Variants in ARHGAP15 observed in about 807,000 individuals in gnomAD.
The protein encoded by ARHGAP15 is rho GTPase-activating protein 15.
Under a neutral mutation model 63.7 loss-of-function variants are expected in ARHGAP15, and 51 were observed. That is an observed-to-expected ratio of 0.80 (90% confidence interval 0.64 to 1.01). The LOEUF (loss-of-function observed/expected upper bound fraction) is 1.01. Among genes scored for constraint, ARHGAP15 ranks in the 50% least tolerant of loss-of-function variants. The pLI is 0.00. For synonymous variants in ARHGAP15, 191 were observed against 193.8 expected (o/e 0.99, Z 0.12); for missense variants, 560 against 564.6 (o/e 0.99, Z 0.08).
intron 12 of ARHGAP15, among the ~76,000 whole-genome samples, chr2:143,676,736 CAGATA>C (rs886515632): frequency 6.6e-6 from 1 of 151,968 alleles, no homozygotes; most frequent in African/African-American, 2.4e-5. Context: ...ATCACTATAA[CAGATA>C]AAATAATAAT....
At chr2:143,732,724 A>G (rs909042217) in intron 13 of ARHGAP15, among the ~76,000 whole-genome samples, 19 of 152,066 alleles carry the variant, frequency 1.2e-4, no homozygotes, top group Admixed American at 3.3e-4. Flanking sequence ...TTAAAAAAAA[A>G]AACTCACTAA....
chr2:143,434,931 TAGC>T (rs760039439), intron 6 of ARHGAP15, among the ~76,000 whole-genome samples: 141 of 152,256 alleles, frequency 9.3e-4, no homozygotes, highest in Non-Finnish European at 1.5e-3. Flanking sequence ...GCCAACTACT[TAGC>T]AGTCTGAGAG....
At chr2:143,468,082 T>C (rs1466107497) in intron 8 of ARHGAP15, among the ~76,000 whole-genome samples, 1 of 152,146 alleles carries the variant, frequency 6.6e-6, no homozygotes, top group African/African-American at 2.4e-5. Flanking sequence ...GGTGCCTTGT[T>C]TGATTGTGTA....
chr2:143,369,826 T>A (rs139248579), intron 6 of ARHGAP15, among the ~76,000 whole-genome samples: 251 of 152,290 alleles, frequency 1.6e-3, no homozygotes, highest in African/African-American at 6.0e-3. Context: ...CTTTTCCTCC[T>A]ACTTTTTCTT....
intron 6 of ARHGAP15, among the ~76,000 whole-genome samples, chr2:143,414,671 C>T (rs1688602541): frequency 1.3e-5 from 2 of 152,220 alleles, no homozygotes; most frequent in African/African-American, 4.8e-5. Context: ...TGGTGGCTCA[C>T]ATCTCTAATC....
chr2:143,347,133 AT>A (rs1685336105), intron 6 of ARHGAP15, among the ~76,000 whole-genome samples: 1 of 152,158 alleles, frequency 6.6e-6, no homozygotes, highest in African/African-American at 2.4e-5. Context: ...CCAGTAATCA[AT>A]TATTATTGAG....
At chr2:143,470,677 G>A (rs1252874783) in intron 8 of ARHGAP15, among the ~76,000 whole-genome samples, 3 of 142,166 alleles carry the variant, frequency 2.1e-5, no homozygotes, top group Non-Finnish European at 3.1e-5. Context: ...ATATGTGTGT[G>A]TATATATATA....
chr2:143,719,605 C>T (rs891660676), intron 13 of ARHGAP15, among the ~76,000 whole-genome samples: 4 of 152,142 alleles, frequency 2.6e-5, no homozygotes, highest in Non-Finnish European at 5.9e-5. Context: ...TCCCCTGGTG[C>T]TAACTTTTAA....
chr2:143,284,304 G>T (rs1681991386), intron 6 of ARHGAP15, among the ~76,000 whole-genome samples: 1 of 152,140 alleles, frequency 6.6e-6, no homozygotes, highest in African/African-American at 2.4e-5. Context: ...ATTTAGAAAG[G>T]CAGGCCTACT....
intron 5 of ARHGAP15, among the ~76,000 whole-genome samples, chr2:143,243,535 A>C (rs1358410777): frequency 6.6e-6 from 1 of 152,134 alleles, no homozygotes; most frequent in Non-Finnish European, 1.5e-5. Context: ...TTTTTTAAAA[A>C]GTGTATTTTT....
In ARHGAP15 at chr2:143,534,101, G is replaced by T. The variant is rs541676825; in HGVS notation, c.925+14737G>T. ...TCTCCATAATCCCCACATGTCAATCGAGAGACGAGGTGGAAGTAATTGAAT... is the reference window on the plus strand; with the variant it reads ...TCTCCATAATCCCCACATGTCAATCTAGAGACGAGGTGGAAGTAATTGAAT... On this transcript the variant is annotated intron_variant, in intron 10 of 13. Transcript: ENST00000295095. Among the ~76,000 whole-genome samples, 6 of 152,212 alleles carry T rather than the reference G, an allele frequency of 3.9e-5. No homozygotes were observed. In the South Asian group the frequency reaches 1.2e-3, roughly 32 times the overall value.
At chr2:143,341,543 C>T (rs1437283679) in intron 6 of ARHGAP15, among the ~76,000 whole-genome samples, 2 of 152,056 alleles carry the variant, frequency 1.3e-5, no homozygotes, top group African/African-American at 2.4e-5. Flanking sequence ...CTCTTCTTTC[C>T]TTTTCGGTTT....
chr2:143,697,694 T>A (rs1489135075), intron 12 of ARHGAP15, among the ~76,000 whole-genome samples: 1 of 152,178 alleles, frequency 6.6e-6, no homozygotes, highest in Non-Finnish European at 1.5e-5. Context: ...TCAAAGATAT[T>A]TATCAAGCAA....
intron 6 of ARHGAP15, among the ~76,000 whole-genome samples, chr2:143,300,914 C>A (rs1682864442): frequency 6.6e-6 from 1 of 152,010 alleles, no homozygotes; most frequent in Non-Finnish European, 1.5e-5. Context: ...TTGGTAGCAA[C>A]TGCACCATTG....
At chr2:143,672,047 A>G (rs1189759572) in intron 12 of ARHGAP15, among the ~76,000 whole-genome samples, 1 of 152,190 alleles carries the variant, frequency 6.6e-6, no homozygotes, top group Non-Finnish European at 1.5e-5. Flanking sequence ...GCCCATTGTT[A>G]ATAAATTTTA....
chr2:143,484,526 A>T (rs575315492), intron 8 of ARHGAP15, among the ~76,000 whole-genome samples: 133 of 152,140 alleles, frequency 8.7e-4, no homozygotes, highest in Non-Finnish European at 1.7e-3. Context: ...GGTAATGATT[A>T]TCTCAAAAAT....
rs1399755289 is a variant in ARHGAP15, at chr2:143,380,835, T to A, written c.475-54766T>A. Among the ~76,000 whole-genome samples, 3 of 152,026 alleles carry A rather than the reference T, an allele frequency of 2.0e-5. No individual in the cohort carries two copies. In the East Asian group the frequency reaches 5.8e-4, roughly 29 times the overall value. ...CTTAGCGAACAGAATTAGGAAACAATGATGAAAAGAAGGCTAGACAGAATG... is the reference window on the plus strand; with the variant it reads ...CTTAGCGAACAGAATTAGGAAACAAAGATGAAAAGAAGGCTAGACAGAATG... On this transcript the variant is annotated intron_variant, in intron 6 of 13. Transcript: ENST00000295095.
At chr2:143,326,413 G>A (rs191388475) in intron 6 of ARHGAP15, among the ~76,000 whole-genome samples, 82 of 152,200 alleles carry the variant, frequency 5.4e-4, no homozygotes, top group African/African-American at 1.9e-3. Context: ...TACTGACAGA[G>A]CTGGAATTCA....
In ARHGAP15 at chr2:143,177,166, G is replaced by T. The variant is rs866745037; in HGVS notation, c.165+21511G>T. 4.6e-5 allele frequency among the ~76,000 whole-genome samples: 7 copies of T among 152,270 alleles called. No homozygotes were observed. The South Asian group carries it at 8.3e-4, about 18-fold the overall frequency. On this transcript the variant is annotated intron_variant, in intron 2 of 13. Transcript: ENST00000295095. ...TGCGACATAACTGAAATTTAGATATGCTCTTTTCTCTATCTGTGCACCTTT... is the reference window on the plus strand; with the variant it reads ...TGCGACATAACTGAAATTTAGATATTCTCTTTTCTCTATCTGTGCACCTTT...
Sources: allele counts gnomAD v4.1 joint callset (sites outside exome capture counted in the v4.1 genomes callset), GRCh38; gene constraint gnomAD v4.1.1; transcripts MANE v1.5; gene names NCBI Gene and HGNC (gene_info 2026-07-23, HGNC 2026-07-21).